DAP: variants seen among roughly 807,000 people sequenced by gnomAD.
DAP encodes death associated protein, also known as death-associated protein 1.
A neutral mutation model predicts 13.8 loss-of-function variants in DAP; 8 were observed. That is an observed-to-expected ratio of 0.58 (90% CI 0.34 to 1.05). The LOEUF (loss-of-function observed/expected upper bound fraction) is 1.05, where lower values mean the gene tolerates loss of function less well. Among genes scored for constraint, DAP ranks in the 50% least tolerant of loss-of-function variants. DAP has a pLI of 0.03. For synonymous variants in DAP, 47 were observed against 47.5 expected (o/e 0.99, Z 0.04); for missense variants, 106 against 133.2 (o/e 0.80, Z 1.01).
chr5:10,688,275 A>G (rs923076991), intron 2 of DAP, among the ~76,000 whole-genome samples: 2 of 151,988 alleles, frequency 1.3e-5, no homozygotes, highest in African/African-American at 2.4e-5. Context: ...CACCACCCCA[A>G]TCAGTCAGCA....
At chr5:10,693,668 A>G (rs1318993809) in intron 2 of DAP, among the ~76,000 whole-genome samples, 1 of 152,218 alleles carries the variant, frequency 6.6e-6, no homozygotes, top group Non-Finnish European at 1.5e-5. Flanking sequence ...TGTATAGTGC[A>G]TGTAATCTTG....
chr5:10,717,090 T>C (rs571072402), intron 2 of DAP, among the ~76,000 whole-genome samples: 60 of 152,334 alleles, frequency 3.9e-4, no homozygotes, highest in African/African-American at 1.4e-3. Context: ...CATAATACCT[T>C]TGACCATATG....
intron 1 of DAP, among the ~76,000 whole-genome samples, chr5:10,752,170 A>G (rs1482692703): frequency 6.6e-6 from 1 of 152,256 alleles, no homozygotes. Flanking sequence ...AAATAAGCAC[A>G]CAGTGTCAAG....
chr5:10,733,433 T>C (rs1401571856), intron 2 of DAP, among the ~76,000 whole-genome samples: 1 of 152,222 alleles, frequency 6.6e-6, no homozygotes, highest in Non-Finnish European at 1.5e-5. Flanking sequence ...ACTTTTGGTA[T>C]CTAGATCCTT....
intron 2 of DAP, among the ~76,000 whole-genome samples, chr5:10,726,313 T>C (rs892044345): frequency 6.6e-6 from 1 of 152,236 alleles, no homozygotes; most frequent in African/African-American, 2.4e-5. Flanking sequence ...ATTTCTGAAA[T>C]GTGTAGGCTT....
rs1024742266 is a variant in DAP, at chr5:10,679,502, C to T, written c.*1554G>A. Reference sequence around the variant, plus strand: ...ACCTGGTGTTGCTGGAGCGCGGCATCCCCTCCTGGGTGCTGCTCCGAAAGG... The same window carrying T: ...ACCTGGTGTTGCTGGAGCGCGGCATTCCCTCCTGGGTGCTGCTCCGAAAGG... On this transcript the variant is annotated 3_prime_UTR_variant, in exon 4 of 4. Transcript: ENST00000230895. 3 of 152,430 alleles carry T rather than the reference C, an allele frequency of 2.0e-5. No homozygotes were observed. Among genetic ancestry groups the T allele is most frequent in the African/African-American group, 4.8e-5 (2 of 41,462 alleles). 9.4% of individuals were successfully genotyped at this position (152,430 alleles called of 1,614,324 possible). A position where few individuals can be genotyped will look rare whatever the true frequency, so the allele number is the denominator to read the frequency against.
At chr5:10,757,965 G>C (rs1336891337) in intron 1 of DAP, among the ~76,000 whole-genome samples, 1 of 152,126 alleles carries the variant, frequency 6.6e-6, no homozygotes, top group Admixed American at 6.5e-5. Context: ...GAAAACAAGG[G>C]GATTGCGGGG....
At chr5:10,688,169 A>C (rs1738203720) in intron 2 of DAP, among the ~76,000 whole-genome samples, 1 of 151,390 alleles carries the variant, frequency 6.6e-6, no homozygotes, top group Admixed American at 6.6e-5. Context: ...ACCCACCTTG[A>C]CCTCCGAAAG....
At chr5:10,755,558 G>A (rs977002312) in intron 1 of DAP, among the ~76,000 whole-genome samples, 2 of 152,192 alleles carry the variant, frequency 1.3e-5, no homozygotes, top group African/African-American at 4.8e-5. Context: ...GTGTTATACA[G>A]CAAGGGGTGT....
chr5:10,706,922 T>G (rs1022192614), intron 2 of DAP, among the ~76,000 whole-genome samples: 1 of 152,168 alleles, frequency 6.6e-6, no homozygotes, highest in Non-Finnish European at 1.5e-5. Context: ...ACGAACATCC[T>G]GTGTCCTCCC....
chr5:10,747,446 TA>T (rs1274007542), intron 2 of DAP, among the ~76,000 whole-genome samples: 3 of 152,196 alleles, frequency 2.0e-5, no homozygotes, highest in Non-Finnish European at 4.4e-5. Flanking sequence ...CAGTCACTCA[TA>T]AGGGCATGGC....
At chr5:10,722,704 T>G (rs528869378) in intron 2 of DAP, among the ~76,000 whole-genome samples, 4 of 151,924 alleles carry the variant, frequency 2.6e-5, no homozygotes, top group Admixed American at 2.0e-4. Flanking sequence ...TGGACCCAGA[T>G]GCCACAGCAA....
At chr5:10,759,715 G>C (rs1161350173) in intron 1 of DAP, among the ~76,000 whole-genome samples, 1 of 151,014 alleles carries the variant, frequency 6.6e-6, no homozygotes, top group Non-Finnish European at 1.5e-5. Flanking sequence ...GCCCTATAGC[G>C]GAGGACAGCA....
chr5:10,720,332 C>T (rs1739104998), intron 2 of DAP, among the ~76,000 whole-genome samples: 1 of 151,998 alleles, frequency 6.6e-6, no homozygotes, highest in African/African-American at 2.4e-5. Flanking sequence ...TCAGAAAGCA[C>T]CCTGGATGGC....
chr5:10,691,738 T>C (rs899300921), intron 2 of DAP, among the ~76,000 whole-genome samples: 1 of 152,176 alleles, frequency 6.6e-6, no homozygotes, highest in African/African-American at 2.4e-5. Context: ...TTATTTAAAT[T>C]GAAAAGAACT....
chr5:10,713,977 C>T (rs1489943168), intron 2 of DAP, among the ~76,000 whole-genome samples: 1 of 152,232 alleles, frequency 6.6e-6, no homozygotes, highest in East Asian at 1.9e-4. Flanking sequence ...AATGGAATCA[C>T]TTAAACTAGG....
rs918271184 is a variant in DAP at position 10,679,325 on chromosome 5, T to C, written c.*1731A>G. On this transcript the variant is annotated 3_prime_UTR_variant, in exon 4 of 4. Coordinates refer to ENST00000230895, the MANE Select transcript of DAP (RefSeq NM_004394.3). The stretch of plus-strand genomic sequence containing the variant: ...TAGGCAAACATTTTGGATTTAATGA[T>C]CTAAAGCTCACAGATGCATGCCACA... 6.6e-6 allele frequency: 1 copy of C among 152,340 alleles called. No individual in the cohort carries two copies. The highest frequency in any genetic ancestry group is 2.4e-5 in the African/African-American group (1 of 41,432). The allele number at this position is 152,340 out of a possible 1,614,324, so 9.4% of individuals were successfully genotyped here.
chr5:10,683,083 A>C, intron 3 of DAP: 1 of 247,076 alleles, frequency 4.0e-6, no homozygotes, highest in Middle Eastern at 1.4e-3. Flanking sequence ...GGCAGGCTGG[A>C]GCCACACTTC....
At chr5:10,741,065 C>T (rs1464393844) in intron 2 of DAP, among the ~76,000 whole-genome samples, 1 of 152,186 alleles carries the variant, frequency 6.6e-6, no homozygotes, top group African/African-American at 2.4e-5. Flanking sequence ...TTAAAATTGG[C>T]TGTAGCTGGG....
Sources: gnomAD v4.1 joint callset for allele counts (sites outside exome capture counted in the v4.1 genomes callset) on GRCh38, gnomAD v4.1.1 for gene constraint, MANE v1.5 for transcripts, NCBI Gene and HGNC (gene_info 2026-07-23, HGNC 2026-07-21) for gene names.